The following HYCC2 variants were observed in gnomAD, a reference collection of about 807,000 sequenced individuals.
HYCC2 encodes hyccin 2.
chr2:200,989,649 C>CA, the HYCC2 span, among the ~76,000 whole-genome samples: 5 of 151,790 alleles, frequency 3.3e-5, no homozygotes, highest in Admixed American at 6.6e-5. Flanking sequence ...CTCGTCTCCA[C>CA]AAAAAAATAC....
chr2:200,996,613 A>C, the HYCC2 span: 2 of 152,238 alleles, frequency 1.3e-5, no homozygotes, highest in Non-Finnish European at 2.9e-5. Flanking sequence ...TGACAGAACA[A>C]GATTTAAGCC....
chr2:200,997,560 G>A, the HYCC2 span: 2 of 1,476,862 alleles, frequency 1.4e-6, no homozygotes, highest in South Asian at 2.3e-5. Context: ...ACAAATGCAA[G>A]GTTAAAAGGA....
the HYCC2 span, chr2:200,981,853 C>G: frequency 1.2e-6 from 2 of 1,608,122 alleles, no homozygotes; most frequent in Non-Finnish European, 8.5e-7. The surrounding 1 kb of genome is among the most constrained non-coding windows in gnomAD (Gnocchi z 4.5). Flanking sequence ...CTCCTCTCCT[C>G]CATTTACACC....
At chr2:200,978,197 T>C in the HYCC2 span, 6 of 152,236 alleles carry the variant, frequency 3.9e-5, no homozygotes, top group African/African-American at 1.4e-4. Flanking sequence ...TTAAAATGCA[T>C]ATTTAAAAAC....
At chr2:200,981,788 T>G in the HYCC2 span, 1 of 1,614,194 alleles carries the variant, frequency 6.2e-7, no homozygotes, top group Non-Finnish European at 8.5e-7. The surrounding 1 kb of genome is among the most constrained non-coding windows in gnomAD (Gnocchi z 4.5). Context: ...ATTGGCTGAC[T>G]GCTGAGGGAA....
chr2:201,019,690 C>G, the HYCC2 span, among the ~76,000 whole-genome samples: 3 of 151,068 alleles, frequency 2.0e-5, no homozygotes, highest in Admixed American at 6.6e-5. Flanking sequence ...CCAGGAGGTT[C>G]AGTCTACAGT....
chr2:201,035,240 A>G, the HYCC2 span, among the ~76,000 whole-genome samples: 1 of 152,174 alleles, frequency 6.6e-6, no homozygotes. Context: ...CAGGTACACC[A>G]ATCAGACGTA....
At chr2:201,033,157 G>T in the HYCC2 span, among the ~76,000 whole-genome samples, 1 of 125,760 alleles carries the variant, frequency 8.0e-6, no homozygotes, top group Non-Finnish European at 1.7e-5. Flanking sequence ...GTATGTGTGT[G>T]TATGTGTGTG....
the HYCC2 span, among the ~76,000 whole-genome samples, chr2:201,038,886 A>C: frequency 6.6e-6 from 1 of 152,134 alleles, no homozygotes; most frequent in Non-Finnish European, 1.5e-5. Flanking sequence ...CTAAAACTTA[A>C]AGTATAATTA....
chr2:201,010,500 G>T, the HYCC2 span, among the ~76,000 whole-genome samples: 1 of 152,192 alleles, frequency 6.6e-6, no homozygotes, highest in African/African-American at 2.4e-5. Flanking sequence ...GAAAGTAGAA[G>T]AAGTTCAGCT....
At chr2:201,010,458 A>C in the HYCC2 span, among the ~76,000 whole-genome samples, 1 of 152,238 alleles carries the variant, frequency 6.6e-6, no homozygotes, top group Admixed American at 6.5e-5. Context: ...AGTTTGATTC[A>C]TAAGTTTCTT....
the HYCC2 span, among the ~76,000 whole-genome samples, chr2:201,054,840 T>C: frequency 2.6e-5 from 4 of 152,224 alleles, no homozygotes; most frequent in African/African-American, 9.7e-5. Context: ...TTTTTAATTT[T>C]AATTTTCAGA....
At chr2:201,004,104 C>T in the HYCC2 span, among the ~76,000 whole-genome samples, 5 of 152,174 alleles carry the variant, frequency 3.3e-5, no homozygotes, top group Admixed American at 3.3e-4. Context: ...GCGTGAGCCA[C>T]CATGCCTGGC....
the HYCC2 span, among the ~76,000 whole-genome samples, chr2:200,994,308 G>T: frequency 2.0e-5 from 3 of 152,140 alleles, no homozygotes; most frequent in African/African-American, 7.2e-5. Flanking sequence ...CCTGATCTCG[G>T]CTCACTGCAA....
the HYCC2 span, among the ~76,000 whole-genome samples, chr2:201,025,164 C>G: frequency 6.6e-6 from 1 of 151,982 alleles, no homozygotes; most frequent in African/African-American, 2.4e-5. Flanking sequence ...GTAGAAAAAG[C>G]AAGCTGTAGG....
At chr2:201,045,684 T>C in the HYCC2 span, 1 of 392,876 alleles carries the variant, frequency 2.5e-6, no homozygotes, top group Non-Finnish European at 4.5e-6. Context: ...ATTTACAATA[T>C]AGCTTATCTA....
the HYCC2 span, among the ~76,000 whole-genome samples, chr2:201,033,977 A>G: frequency 7.2e-6 from 1 of 139,118 alleles, no homozygotes; most frequent in Non-Finnish European, 1.6e-5. Context: ...CCTCTAGTTT[A>G]AAAAAAAAAA....
the HYCC2 span, among the ~76,000 whole-genome samples, chr2:201,008,342 A>G: frequency 6.6e-6 from 1 of 152,230 alleles, no homozygotes; most frequent in African/African-American, 2.4e-5. Flanking sequence ...TTTATACAAG[A>G]TGACCATAAC....
At chr2:201,006,280 C>A in the HYCC2 span, among the ~76,000 whole-genome samples, 1 of 151,360 alleles carries the variant, frequency 6.6e-6, no homozygotes, top group Non-Finnish European at 1.5e-5. Context: ...AGGCACCCAC[C>A]ACCACGCCTG....
Sources: gnomAD v4.1 joint callset for allele counts (sites outside exome capture counted in the v4.1 genomes callset) on GRCh38, gnomAD v4.1.1 for gene constraint, Gnocchi (gnomAD v3.1) non-coding constraint, MANE v1.5 for transcripts, NCBI Gene and HGNC (gene_info 2026-07-23, HGNC 2026-07-21) for gene names.